Variants in BMPR2 observed in about 807,000 individuals in gnomAD.
BMPR2 encodes bone morphogenetic protein receptor type-2.
Under a neutral mutation model 100.8 loss-of-function variants are expected in BMPR2, and 29 were observed. That is an observed-to-expected ratio of 0.29 (90% CI 0.21 to 0.39). The LOEUF (loss-of-function observed/expected upper bound fraction) is 0.39. Ranked by LOEUF, BMPR2 falls within the 10% of genes least tolerant of loss-of-function variation. The probability of loss-of-function intolerance (pLI) is 1.00; values close to 1 mark genes in which losing one functional copy is unlikely to be tolerated. For synonymous variants in BMPR2, 382 were observed against 442.3 expected (o/e 0.86, Z 1.71); for missense variants, 1,011 against 1,274.5 (o/e 0.79, Z 3.15).
chr2:202,556,342 C>G lies in BMPR2; in HGVS notation c.2677C>G (p.Arg893Gly). 6.2e-7 allele frequency: 1 copy of G among 1,614,180 alleles called. No individual in the cohort carries two copies. The highest frequency in any genetic ancestry group is 8.5e-7 in the Non-Finnish European group (1 of 1,180,036). The change falls in exon 12 of 13, where the codon CGG becomes GGG. Residue 893 changes from arginine (R) to glycine (G), a missense_variant. Coordinates refer to ENST00000374580, the MANE Select transcript of BMPR2 (RefSeq NM_001204.7). ...GGATCGTCTTGTGGACAGGAGGGAA[C>G]GGCCACTAGAAGGTGGCCGAACTAA... ...VLDRLVDRRE[R>G]PLEGGRTNSN...
intron 1 of BMPR2, among the ~76,000 whole-genome samples, chr2:202,400,542 T>G (rs1690750858): frequency 6.6e-6 from 1 of 152,162 alleles, no homozygotes; most frequent in African/African-American, 2.4e-5. Context: ...CTAAATTCTT[T>G]TAAAAGTACT....
intron 1 of BMPR2, among the ~76,000 whole-genome samples, chr2:202,398,452 A>G (rs1190920401): frequency 6.6e-6 from 1 of 152,222 alleles, no homozygotes; most frequent in Non-Finnish European, 1.5e-5. Flanking sequence ...TTTGCCATGT[A>G]TGCTTAATGA....
At chr2:202,383,046 A>T (rs1466692564) in intron 1 of BMPR2, among the ~76,000 whole-genome samples, 1 of 152,212 alleles carries the variant, frequency 6.6e-6, no homozygotes, top group Non-Finnish European at 1.5e-5. Context: ...TACTTAATCT[A>T]TATCTTTTAT....
intron 1 of BMPR2, among the ~76,000 whole-genome samples, chr2:202,404,824 C>G (rs1313486241): frequency 6.6e-6 from 1 of 151,390 alleles, no homozygotes. Flanking sequence ...TCGTTCCAAT[C>G]TTTATGTGGG....
chr2:202,546,729 G>A (rs539740801), intron 10 of BMPR2, among the ~76,000 whole-genome samples: 79 of 152,118 alleles, frequency 5.2e-4, no homozygotes, highest in African/African-American at 1.8e-3. Context: ...TCTGCCTCCC[G>A]AGTAGCTGGG....
chr2:202,555,619 A>G lies in BMPR2; in HGVS notation c.1954A>G (p.Thr652Ala). The part of the protein sequence containing the change: ...TTNVAQSIGP[T>A]PVCLQLTEED... ...AAATGTTGCACAGTCAATTGGGCCA[A>G]CCCCTGTCTGCTTACAGCTGACAGA... Residue 652 changes from threonine (T) to alanine (A), a missense_variant, in exon 12 of 13, where the codon ACC becomes GCC. By Grantham distance (58) the Thr-to-Ala change is moderately conservative. Coordinates refer to ENST00000374580, the MANE Select transcript of BMPR2 (RefSeq NM_001204.7). 6.2e-7 allele frequency: 1 copy of G among 1,614,092 alleles called. No homozygotes were observed.
At chr2:202,435,927 G>A (rs551852756) in intron 1 of BMPR2, among the ~76,000 whole-genome samples, 8 of 150,542 alleles carry the variant, frequency 5.3e-5, no homozygotes, top group African/African-American at 7.5e-5. Context: ...ATATTCATAC[G>A]ATGAAGTCAC....
intron 3 of BMPR2, among the ~76,000 whole-genome samples, chr2:202,504,266 C>T (rs925435687): frequency 3.9e-5 from 6 of 152,228 alleles, no homozygotes; most frequent in Non-Finnish European, 5.9e-5. Context: ...TGCAATAAAT[C>T]TTGCTACTGC....
At chr2:202,444,908 C>T (rs1353848994) in intron 1 of BMPR2, among the ~76,000 whole-genome samples, 1 of 150,630 alleles carries the variant, frequency 6.6e-6, no homozygotes, top group Non-Finnish European at 1.5e-5. Flanking sequence ...CGTGCCTCAG[C>T]CTCCCAAGTA....
Position 202,560,220 on chromosome 2 carries a change from C to A in BMPR2, c.*274C>A. On this transcript the variant is annotated 3_prime_UTR_variant, in exon 13 of 13. Transcript: ENST00000374580. ...ACCACAGAGTTATATGTGTGTGTAT[C>A]AAAAGTGGTCTCAAAATATTTTTTT... The A allele has an allele frequency of 2.5e-6, 1 of 394,530 alleles. No individual in the cohort carries two copies. The highest frequency in any genetic ancestry group is 3.2e-5 in the South Asian group (1 of 31,412). The allele number at this position is 394,530 out of a possible 1,614,324, so 24.4% of individuals were successfully genotyped here.
rs1229047552 is a variant in BMPR2, at chr2:202,564,957, A to C, written c.*5011A>C. ...GCTACTCGGGAGGCAGAGACAGGAGAATCGTTTGCACCCGGGAGGCGGAGG... is the reference window on the plus strand; with the variant it reads ...GCTACTCGGGAGGCAGAGACAGGAGCATCGTTTGCACCCGGGAGGCGGAGG... On this transcript the variant is annotated 3_prime_UTR_variant, in exon 13 of 13. Coordinates refer to ENST00000374580, the MANE Select transcript of BMPR2 (RefSeq NM_001204.7). 3 of 152,226 alleles carry C rather than the reference A, an allele frequency of 2.0e-5. No individual in the cohort carries two copies. The highest frequency in any genetic ancestry group is 7.2e-5 in the African/African-American group (3 of 41,392). 9.4% of individuals were successfully genotyped at this position (152,226 alleles called of 1,614,324 possible).
chr2:202,535,163 C>T (rs1211564290), intron 9 of BMPR2, among the ~76,000 whole-genome samples: 5 of 143,776 alleles, frequency 3.5e-5, no homozygotes, highest in Admixed American at 6.8e-5. Flanking sequence ...CCGGATGGGG[C>T]GGCTGGCCTG....
intron 3 of BMPR2, among the ~76,000 whole-genome samples, chr2:202,469,318 G>A (rs1195104256): frequency 6.6e-6 from 1 of 151,964 alleles, no homozygotes; most frequent in African/African-American, 2.4e-5. Flanking sequence ...GTGAGCCACC[G>A]TACTCGGCCT....
In BMPR2 at chr2:202,376,677, G is replaced by A. The variant is rs1322209660; in HGVS notation, c.-798G>A. Among the ~76,000 whole-genome samples the A allele has an allele frequency of 6.7e-6, 1 of 149,558 alleles. No individual in the cohort carries two copies. The highest frequency in any genetic ancestry group is 1.5e-5 in the Non-Finnish European group (1 of 67,468). The stretch of plus-strand genomic sequence containing the variant: ...CAGGAATAAAAAGCGAGGAAGGGAA[G>A]GGAGCGCCGCCGGGAGGACTAGAAG... On this transcript the variant is annotated 5_prime_UTR_variant, in exon 1 of 13. Coordinates refer to ENST00000374580, the MANE Select transcript of BMPR2 (RefSeq NM_001204.7).
intron 3 of BMPR2, among the ~76,000 whole-genome samples, chr2:202,497,352 A>C (rs1005239680): frequency 3.9e-5 from 6 of 152,188 alleles, no homozygotes; most frequent in African/African-American, 1.4e-4. Flanking sequence ...TTCGCTTGCT[A>C]TTCTGTCCTG....
chr2:202,499,069 C>T (rs927187641), intron 3 of BMPR2, among the ~76,000 whole-genome samples: 2 of 152,046 alleles, frequency 1.3e-5, no homozygotes, highest in African/African-American at 2.4e-5. Context: ...CACAAAAACC[C>T]CCGGGCTATC....
rs1692200302 is a variant in BMPR2, at chr2:202,460,245, CA to C, written c.77-4562del. The stretch of plus-strand genomic sequence containing the variant: ...GTTCACAATAACAAAGACGTAGAAT[CA>C]ATCTAAATGCCTATCAGTGCTAATC... On this transcript the variant is annotated intron_variant, in intron 1 of 12. Transcript: ENST00000374580. 2.0e-5 allele frequency among the ~76,000 whole-genome samples: 3 copies of C among 152,232 alleles called. No individual in the cohort carries two copies. In the South Asian group the frequency reaches 6.2e-4, roughly 32 times the overall value.
chr2:202,505,362 T>TTA (rs1357874417), intron 3 of BMPR2: 1 of 150,370 alleles, frequency 6.7e-6, no homozygotes, highest in Non-Finnish European at 1.5e-5. Context: ...TTTTTTTTTT[T>TTA]AATAAATTTT....
chr2:202,376,545 G>GGCA lies in BMPR2; in HGVS notation c.-921_-919dup, dbSNP rs568136148. The stretch of plus-strand genomic sequence containing the variant: ...CGGCGGCGGCGGCGGCGGCGGCGGC[G>GGCA]GCAGCAGCAGCGGCTTCCTCGGGGG... On this transcript the variant is annotated 5_prime_UTR_variant, in exon 1 of 13. Coordinates refer to ENST00000374580, the MANE Select transcript of BMPR2 (RefSeq NM_001204.7). Among the ~76,000 whole-genome samples, 532 of 140,572 alleles carry GGCA rather than the reference G, an allele frequency of 3.8e-3. 13 individuals are homozygous for GGCA. The highest frequency in any genetic ancestry group is 0.028 in the Admixed American group (372 of 13,352). 92.2% of individuals were successfully genotyped at this position (140,572 alleles called of 152,430 possible). A position where few individuals can be genotyped will look rare whatever the true frequency, so the allele number is the denominator to read the frequency against.
Sources: gnomAD v4.1 joint callset for allele counts (sites outside exome capture counted in the v4.1 genomes callset) on GRCh38, gnomAD v4.1.1 for gene constraint, MANE v1.5 for transcripts, NCBI Gene and HGNC (gene_info 2026-07-23, HGNC 2026-07-21) for gene names.